The following TLE3 variants were observed in gnomAD, a reference collection of about 807,000 sequenced individuals.
TLE3 encodes the protein TLE family member 3, transcriptional corepressor.
In TLE3, 14 loss-of-function variants were observed where a neutral mutation model predicts 93.0. That is an observed-to-expected ratio of 0.15 (90% CI 0.10 to 0.24). The LOEUF (loss-of-function observed/expected upper bound fraction) is 0.24. Among genes scored for constraint, TLE3 ranks in the 10% least tolerant of loss-of-function variants. The pLI, the probability that TLE3 is intolerant of heterozygous loss-of-function variation, is 1.00. For synonymous variants in TLE3, 451 were observed against 425.0 expected (o/e 1.06, Z -0.75); for missense variants, 693 against 1,046.6 (o/e 0.66, Z 4.66).
At chr15:70,056,793 G>C (rs140835265) in intron 13 of TLE3, among the ~76,000 whole-genome samples, 1 of 152,114 alleles carries the variant, frequency 6.6e-6, no homozygotes, top group Non-Finnish European at 1.5e-5. Flanking sequence ...ATGGAGTCTC[G>C]CTCTGCCGCC....
Position 70,054,460 on chromosome 15 carries a change from G to A in TLE3, c.1804C>T (p.Leu602=). The A allele has an allele frequency of 6.2e-7, 1 of 1,613,908 alleles. No individual in the cohort carries two copies. Among genetic ancestry groups the A allele is most frequent in the Non-Finnish European group, 8.5e-7 (1 of 1,179,822 alleles). ...CACCTGACCAGGGTCTGGTTGTGCA[G>A]GTCCCAGACAGCAATGTTCCCATCG... ...CSDGNIAVWD[L]HNQTLVRQFQ... is the part of the protein sequence containing the mutation. Residue 602 remains leucine (L), a synonymous_variant, in exon 16 of 20, where the codon CTG becomes TTG. Transcript: ENST00000451782.
rs542420791 is a variant in TLE3, at chr15:70,055,674, GC to G, written c.1329-377del. ...GTGGTATTAGGGAAGGGATCTGCTT[GC>G]CCCTGCAATAGCAAATGGGAAAGTC... On this transcript the variant is annotated intron_variant, in intron 14 of 19. Coordinates refer to ENST00000451782, the MANE Select transcript of TLE3 (RefSeq NM_001105192.3). 253 of 216,342 alleles carry G rather than the reference GC, an allele frequency of 1.2e-3. 1 individual carries two copies. Among genetic ancestry groups the G allele is most frequent in the African/African-American group, 5.2e-3 (227 of 43,622 alleles). 13.4% of individuals were successfully genotyped at this position (216,342 alleles called of 1,614,324 possible).
intron 4 of TLE3, among the ~76,000 whole-genome samples, chr15:70,091,532 G>A (rs1270876313): frequency 6.6e-6 from 1 of 152,174 alleles, no homozygotes; most frequent in Admixed American, 6.5e-5. Flanking sequence ...GGTGGAGGTG[G>A]GTGACCTCTT....
chr15:70,058,625 G>A lies in TLE3; in HGVS notation c.918+38C>T, dbSNP rs575754587. 1.2e-5 allele frequency: 19 copies of A among 1,546,262 alleles called. No homozygotes were observed. Among genetic ancestry groups the A allele is most frequent in the Middle Eastern group, 2.0e-4 (1 of 4,958 alleles). On this transcript the variant is annotated intron_variant, in intron 11 of 19. Transcript: ENST00000451782. The surrounding 1 kb of genome is among the most constrained non-coding windows in gnomAD (Gnocchi z 4.1). ...CACCACCCCAGCTCCAGTCCCTGCC[G>A]CTCCCTTCCCACTCCCTTCCACCCA... is the stretch of plus-strand genomic sequence containing the variant.
intron 6 of TLE3, among the ~76,000 whole-genome samples, chr15:70,071,619 A>G (rs1417813534): frequency 6.6e-6 from 1 of 152,172 alleles, no homozygotes; most frequent in Non-Finnish European, 1.5e-5. Flanking sequence ...GAGAGCCACT[A>G]AACAATTAGG....
intron 12 of TLE3, 86 bp from the exon 13 acceptor site, chr15:70,057,744 C>T: frequency 6.8e-7 from 1 of 1,469,280 alleles, no homozygotes; most frequent in Non-Finnish European, 9.2e-7. Context: ...ACCCTCCCTG[C>T]ATTCTTAAGC....
chr15:70,096,158 T>G lies in TLE3; in HGVS notation c.125+3A>C. ...GCCCCGGGGCGGCCCCCACCGGCCT[T>G]ACCTGTGATACTGAGCTTGCAGGAA... On this transcript the variant is annotated splice_donor_region_variant and intron_variant, in intron 2 of 19. Transcript: ENST00000451782. The G allele has an allele frequency of 2.6e-6, 4 of 1,552,812 alleles. No homozygotes were observed. Among genetic ancestry groups the G allele is most frequent in the Non-Finnish European group, 3.5e-6 (4 of 1,147,858 alleles).
rs2142146378 is a variant in TLE3 at position 70,097,723 on chromosome 15, C to T, written c.-925G>A. The T allele has an allele frequency of 5.0e-6, 2 of 396,262 alleles. No individual in the cohort carries two copies. Among genetic ancestry groups the T allele is most frequent in the Non-Finnish European group, 8.9e-6 (2 of 224,834 alleles). The allele number at this position is 396,262 out of a possible 1,614,324, so 24.5% of individuals were successfully genotyped here. A position where few individuals can be genotyped will look rare whatever the true frequency, so the allele number is the denominator to read the frequency against. On this transcript the variant is annotated 5_prime_UTR_variant, in exon 1 of 20. Coordinates refer to ENST00000451782, the MANE Select transcript of TLE3 (RefSeq NM_001105192.3). ...GGGAGCTCTACGGCTTCCTTCCTTC[C>T]CCTCGGCCCGGCTCTCCTCTCCGCG...
At chr15:70,095,537 C>T (rs1369077053) in intron 3 of TLE3, 41 bp downstream of exon 3, 3 of 1,547,274 alleles carry the variant, frequency 1.9e-6, no homozygotes, top group Non-Finnish European at 2.6e-6. Flanking sequence ...CGGCCGGGGT[C>T]GGCGCCCCAA....
chr15:70,054,762 C>T (rs942486856), intron 15 of TLE3, 77 bp from the exon 16 acceptor site: 20 of 1,464,000 alleles, frequency 1.4e-5, no homozygotes, highest in South Asian at 1.4e-5. Context: ...CCAGCAACAC[C>T]GAGCACCCTC....
intron 6 of TLE3, among the ~76,000 whole-genome samples, chr15:70,068,141 A>G (rs2056932423): frequency 6.6e-6 from 1 of 152,256 alleles, no homozygotes; most frequent in Admixed American, 6.5e-5. Context: ...ATACATGCCC[A>G]TTTTAAGAAA....
chr15:70,058,744 C>A lies in TLE3; in HGVS notation c.837G>T (p.Leu279=). Residue 279 remains leucine (L), a synonymous_variant, in exon 11 of 20, where the codon CTG becomes CTT. Transcript: ENST00000451782. The surrounding 1 kb of genome is among the most constrained non-coding windows in gnomAD (Gnocchi z 4.1). The part of the protein sequence containing the change: ...PENGLDKARS[L]KKDAPTSPAS... The stretch of plus-strand genomic sequence containing the variant: ...CAGGGCTGGTGGGGGCATCTTTTTT[C>A]AGGCTACGGGCCTTGTCCAGCCCAT... 6.2e-7 allele frequency: 1 copy of A among 1,610,964 alleles called. No individual in the cohort carries two copies. The highest frequency in any genetic ancestry group is 8.5e-7 in the Non-Finnish European group (1 of 1,178,710).
chr15:70,054,638 G>A lies in TLE3; in HGVS notation c.1626C>T (p.Arg542=). The part of the protein sequence containing the change: ...IRSCKLLPDG[R]TLIVGGEAST... ...TGGCCTCGCCGCCCACGATGAGCGTGCGCCCATCAGGGAGCAGCTTGCAGG... is the reference window on the plus strand; with the variant it reads ...TGGCCTCGCCGCCCACGATGAGCGTACGCCCATCAGGGAGCAGCTTGCAGG... The change falls in exon 16 of 20, where the codon CGC becomes CGT. Residue 542 remains arginine, a synonymous_variant. Coordinates refer to ENST00000451782, the MANE Select transcript of TLE3 (RefSeq NM_001105192.3). 1 of 1,609,134 alleles carries A rather than the reference G, an allele frequency of 6.2e-7. No homozygotes were observed. Among genetic ancestry groups the A allele is most frequent in the Non-Finnish European group, 8.5e-7 (1 of 1,176,624 alleles).
Position 70,049,869 on chromosome 15 carries a change from G to A in TLE3, c.*228C>T. On this transcript the variant is annotated 3_prime_UTR_variant, in exon 20 of 20. Coordinates refer to ENST00000451782, the MANE Select transcript of TLE3 (RefSeq NM_001105192.3). ...AGCAACTGCCAGCATTGTTCAGGGG[G>A]AGGAGGAGGAGCAGAACCCTTCCGA... is the stretch of plus-strand genomic sequence containing the variant. The A allele has an allele frequency of 6.3e-6, 3 of 475,432 alleles. No homozygotes were observed. The highest frequency in any genetic ancestry group is 1.1e-5 in the Non-Finnish European group (3 of 260,878). 29.5% of individuals were successfully genotyped at this position (475,432 alleles called of 1,614,324 possible).
At chr15:70,057,789 A>G (rs1361717339) in intron 12 of TLE3, 131 bp from the exon 13 acceptor site, 1 of 1,143,338 alleles carries the variant, frequency 8.7e-7, no homozygotes, top group Non-Finnish European at 1.2e-6. Context: ...GACTGAACCC[A>G]CCCAAGTGGG....
At chr15:70,077,131 C>T (rs576437264) in intron 4 of TLE3, among the ~76,000 whole-genome samples, 1 of 152,338 alleles carries the variant, frequency 6.6e-6, no homozygotes, top group African/African-American at 2.4e-5. Flanking sequence ...TAGATCAATT[C>T]TCTGCCTCAT....
intron 6 of TLE3, among the ~76,000 whole-genome samples, chr15:70,068,764 G>C (rs776150533): frequency 3.9e-5 from 6 of 152,202 alleles, no homozygotes; most frequent in Non-Finnish European, 1.5e-5. Context: ...ATCTTACCAG[G>C]AAAGGTCTCT....
chr15:70,075,278 G>C (rs2057382096), intron 5 of TLE3, among the ~76,000 whole-genome samples: 1 of 152,198 alleles, frequency 6.6e-6, no homozygotes, highest in African/African-American at 2.4e-5. Flanking sequence ...ATAGTGGGGA[G>C]GATATGGGAA....
chr15:70,090,547 T>G (rs2058259924), intron 4 of TLE3, among the ~76,000 whole-genome samples: 1 of 152,144 alleles, frequency 6.6e-6, no homozygotes, highest in African/African-American at 2.4e-5. Context: ...GTCACAAAAC[T>G]TCTGTGTGCC....
Sources: gnomAD v4.1 joint callset for allele counts (sites outside exome capture counted in the v4.1 genomes callset) on GRCh38, gnomAD v4.1.1 for gene constraint, Gnocchi (gnomAD v3.1) non-coding constraint, MANE v1.5 for transcripts, NCBI Gene and HGNC (gene_info 2026-07-23, HGNC 2026-07-21) for gene names.